Variants in THBS2 observed in about 807,000 individuals in gnomAD.
THBS2 encodes the protein thrombospondin-2.
Under a neutral mutation model 135.2 loss-of-function variants are expected in THBS2, and 47 were observed. The ratio of observed to expected loss-of-function variants is 0.35; its 90% CI spans 0.28 to 0.44. The LOEUF (loss-of-function observed/expected upper bound fraction) is 0.44. Ranked by LOEUF, THBS2 falls within the 20% of genes least tolerant of loss-of-function variation. The pLI is 1.00. For missense variants in THBS2, 1,288 were observed against 1,603.1 expected, an observed-to-expected ratio of 0.80 and a Z score of 3.36; for synonymous variants, 639 against 633.8, an observed-to-expected ratio of 1.01 and a Z score of -0.12.
intron 19 of THBS2, 98 bp from the exon 20 acceptor site, chr6:169,221,625 G>A: frequency 9.7e-7 from 1 of 1,029,898 alleles, no homozygotes; most frequent in Non-Finnish European, 1.5e-6. Context: ...GACTTTGCAA[G>A]TTCATGCTTA....
chr6:169,247,894 C>A (rs1412590294), intron 3 of THBS2, among the ~76,000 whole-genome samples: 1 of 150,678 alleles, frequency 6.6e-6, no homozygotes, highest in Non-Finnish European at 1.5e-5. Context: ...ACATGTATGT[C>A]TGTGTGGTGT....
chr6:169,230,807 G>C (rs769524902), intron 13 of THBS2, among the ~76,000 whole-genome samples: 1 of 152,098 alleles, frequency 6.6e-6, no homozygotes, highest in Non-Finnish European at 1.5e-5. Flanking sequence ...CATAGGTTGG[G>C]ATCAGTGCCT....
rs779300005 is a variant in THBS2, at chr6:169,240,460, T to C, written c.1024A>G (p.Thr342Ala). 22 of 1,613,360 alleles carry C rather than the reference T, an allele frequency of 1.4e-5. No homozygotes were observed. The South Asian group carries it at 2.1e-4, about 15-fold the overall frequency. Reference protein sequence around the residue: ...TWVVDSCTTCTCKKFKTICHQ... With the variant: ...TWVVDSCTTCACKKFKTICHQ... ...GTGTTCTGGGGCCTCACCTTGCAGG[T>C]ACACGTGGTGCAGCTGTCCACCACC... is the stretch of plus-strand genomic sequence containing the variant. The change falls in exon 6 of 22, where the codon ACC (threonine) becomes GCC (alanine). Residue 342 changes from threonine to alanine, a missense_variant. This residue lies in a region of THBS2 where 874 missense variants were observed against 1,156.1 expected (regional missense o/e 0.76). Coordinates refer to ENST00000617924, the MANE Select transcript of THBS2 (RefSeq NM_003247.5).
Position 169,237,273 on chromosome 6 carries a change from G to A in THBS2, c.1374C>T (p.Ile458=). 6.2e-7 allele frequency: 1 copy of A among 1,613,524 alleles called. No individual in the cohort carries two copies. The highest frequency in any genetic ancestry group is 2.2e-5 in the East Asian group (1 of 44,882). The change falls in exon 9 of 22, where the codon ATC becomes ATT. Residue 458 remains isoleucine (I), a synonymous_variant. Coordinates refer to ENST00000617924, the MANE Select transcript of THBS2 (RefSeq NM_003247.5). ...GGGAGTTGCAGAGACGGATGCGTGT[G>A]ATATTGCCAACTCCACAGGTCACAG... ...SCSVTCGVGN[I]TRIRLCNSPV...
chr6:169,244,413 G>A (rs764328680), intron 4 of THBS2, among the ~76,000 whole-genome samples: 6 of 150,038 alleles, frequency 4.0e-5, no homozygotes, highest in African/African-American at 7.4e-5. Flanking sequence ...TGACCATTAT[G>A]ACAACTGACT....
chr6:169,240,566 C>T lies in THBS2; in HGVS notation c.918G>A (p.Glu306=), dbSNP rs778354836. The T allele has an allele frequency of 3.7e-6, 6 of 1,614,004 alleles. No individual in the cohort carries two copies. The South Asian group carries it at 6.6e-5, about 18-fold the overall frequency. Residue 306 remains glutamate, a synonymous_variant, in exon 6 of 22, where the codon GAG becomes GAA. Coordinates refer to ENST00000617924, the MANE Select transcript of THBS2 (RefSeq NM_003247.5). ...RVSNDNQFLW[E]LIGGPPKTRN... is the part of the protein sequence containing the mutation. ...TTGTCTTAGGAGGGCCACCAATGAG[C>T]TCCCAGAGAAACTGGTTATCATTCG...
At position 169,217,724 on chromosome 6, in the gene THBS2, G is replaced by T; in HGVS notation, c.*98C>A. 7.3e-7 allele frequency: 1 copy of T among 1,370,978 alleles called. No individual in the cohort carries two copies. Among genetic ancestry groups the T allele is most frequent in the South Asian group, 1.3e-5 (1 of 77,208 alleles). 84.9% of individuals were successfully genotyped at this position (1,370,978 alleles called of 1,614,324 possible). On this transcript the variant is annotated 3_prime_UTR_variant, in exon 22 of 22. Coordinates refer to ENST00000617924, the MANE Select transcript of THBS2 (RefSeq NM_003247.5). ...CAGAGTTAAGGTCAAGGGACAGGAG[G>T]TGCTGCTAGAGAGAGAAGCCACAAG...
At chr6:169,218,430 T>G in intron 21 of THBS2, among the ~76,000 whole-genome samples, 3 of 103,364 alleles carry the variant, frequency 2.9e-5, no homozygotes, top group African/African-American at 4.0e-5. Flanking sequence ...ATGAGATGGA[T>G]GAGTGGGTGG....
In THBS2 at chr6:169,246,448, A is replaced by C. The variant is rs916582077; in HGVS notation, c.610-167T>G. Among the ~76,000 whole-genome samples, 5 of 152,224 alleles carry C rather than the reference A, an allele frequency of 3.3e-5. No homozygotes were observed. In the East Asian group the frequency reaches 9.6e-4, roughly 29 times the overall value. On this transcript the variant is annotated intron_variant, in intron 3 of 21. Coordinates refer to ENST00000617924, the MANE Select transcript of THBS2 (RefSeq NM_003247.5). ...CTTTATAATCAGTTTTTCTGTATATAGTACTTTTGAAATTTTGTTTTTAAG... is the reference window on the plus strand; with the variant it reads ...CTTTATAATCAGTTTTTCTGTATATCGTACTTTTGAAATTTTGTTTTTAAG...
chr6:169,232,304 C>T (rs1222459918), intron 12 of THBS2, 106 bp from the exon 13 acceptor site: 15 of 1,282,476 alleles, frequency 1.2e-5, no homozygotes, highest in East Asian at 2.3e-5. Flanking sequence ...CGGTCCCAAG[C>T]GGACCCAAGT....
chr6:169,245,559 A>G lies in THBS2; in HGVS notation c.694+638T>C, dbSNP rs113161089. ...TGTAATCCCAGCACTTTGGGAGGCC[A>G]AGGTGGGCAGATCACGAGGTCAGGA... On this transcript the variant is annotated intron_variant, in intron 4 of 21. Coordinates refer to ENST00000617924, the MANE Select transcript of THBS2 (RefSeq NM_003247.5). 1.6e-3 allele frequency among the ~76,000 whole-genome samples: 247 copies of G among 152,190 alleles called. 3 individuals are homozygous for G. The highest frequency in any genetic ancestry group is 0.015 in the South Asian group (73 of 4,816).
In THBS2 at chr6:169,216,625, C is replaced by A. The variant is rs1352989349; in HGVS notation, c.*1197G>T. ...ATATTTAAGGTTCCATCATAAACTC[C>A]TCATTATTCTCTATGTATTCTGTTA... On this transcript the variant is annotated 3_prime_UTR_variant, in exon 22 of 22. Coordinates refer to ENST00000617924, the MANE Select transcript of THBS2 (RefSeq NM_003247.5). 1.3e-5 allele frequency: 2 copies of A among 152,038 alleles called. No homozygotes were observed. The highest frequency in any genetic ancestry group is 2.9e-5 in the Non-Finnish European group (2 of 68,014). The allele number at this position is 152,038 out of a possible 1,614,324, so 9.4% of individuals were successfully genotyped here.
intron 10 of THBS2, 46 bp from the exon 11 acceptor site, chr6:169,233,063 G>C: frequency 6.8e-7 from 1 of 1,464,926 alleles, no homozygotes; most frequent in Non-Finnish European, 9.0e-7. Flanking sequence ...GCCCTGCGCA[G>C]CACAGAAGGA....
rs988576628 is a variant in THBS2 at position 169,252,716 on chromosome 6, C to T, written c.-23+1008G>A. The stretch of plus-strand genomic sequence containing the variant: ...CACCGGGCATGCATGGATGGAGCCA[C>T]GGATGAGCCAGTGCCGCTCACCCCT... On this transcript the variant is annotated intron_variant, in intron 1 of 21. Coordinates refer to ENST00000617924, the MANE Select transcript of THBS2 (RefSeq NM_003247.5). The surrounding 1 kb of genome is among the most constrained non-coding windows in gnomAD (Gnocchi z 4.3). 2.6e-4 allele frequency among the ~76,000 whole-genome samples: 39 copies of T among 152,158 alleles called. No homozygotes were observed. Among genetic ancestry groups the T allele is most frequent in the Non-Finnish European group, 2.1e-4 (14 of 68,042 alleles).
Position 169,248,895 on chromosome 6 carries a change from T to G in THBS2, c.131A>C (p.Gln44Pro). The change falls in exon 3 of 22, where the codon CAG becomes CCG. Residue 44 changes from glutamine (Q) to proline (P), a missense_variant. Gln to Pro is a moderately conservative substitution (Grantham distance 76). Around this residue, in one of 2 missense-constraint regions of THBS2, gnomAD observed 414 missense variants for 447.0 expected, o/e 0.93. Transcript: ENST00000617924. ...CACGCCGGGGTCGGGCCCGCGGAAC[T>G]GCTTGGCGCCAATGGTCTTGCGGTT... ...NINRKTIGAK[Q>P]FRGPDPGVPA... 6.2e-7 allele frequency: 1 copy of G among 1,613,542 alleles called. No individual in the cohort carries two copies. The highest frequency in any genetic ancestry group is 1.6e-4 in the Middle Eastern group (1 of 6,062).
At chr6:169,219,578 C>T (rs1779345516) in intron 21 of THBS2, among the ~76,000 whole-genome samples, 1 of 152,152 alleles carries the variant, frequency 6.6e-6, no homozygotes, top group East Asian at 1.9e-4. Context: ...CTCCTGACCT[C>T]AGGGGATCCA....
chr6:169,248,089 T>C (rs1007030320), intron 3 of THBS2, among the ~76,000 whole-genome samples: 1 of 152,058 alleles, frequency 6.6e-6, no homozygotes, highest in African/African-American at 2.4e-5. Flanking sequence ...ATGTGTGATG[T>C]ATATACATAT....
intron 2 of THBS2, 58 bp from the exon 3 acceptor site, chr6:169,249,031 T>C (rs1248356979): frequency 2.1e-5 from 31 of 1,493,964 alleles, no homozygotes; most frequent in Non-Finnish European, 2.6e-5. Context: ...GAGGTTGGCC[T>C]GACCCAGGGT....
chr6:169,249,873 A>G (rs943622064), intron 2 of THBS2, among the ~76,000 whole-genome samples: 1 of 152,110 alleles, frequency 6.6e-6, no homozygotes, highest in Non-Finnish European at 1.5e-5. Flanking sequence ...TACTAAAAAT[A>G]CAAAAAATTA....
Sources: gnomAD v4.1 joint callset for allele counts (sites outside exome capture counted in the v4.1 genomes callset) on GRCh38, gnomAD v4.1.1 for gene constraint, gnomAD v4.1.1 regional missense constraint, Gnocchi (gnomAD v3.1) non-coding constraint, MANE v1.5 for transcripts, NCBI Gene and HGNC (gene_info 2026-07-23, HGNC 2026-07-21) for gene names.